Variants in GABBR2 observed in about 807,000 individuals in gnomAD.
GABBR2 encodes gamma-aminobutyric acid type B receptor subunit 2, also known as G-protein coupled receptor 51.
A neutral mutation model predicts 105.6 loss-of-function variants in GABBR2; 23 were observed. The ratio of observed to expected loss-of-function variants is 0.22; its 90% CI spans 0.16 to 0.31. GABBR2 has a LOEUF of 0.31. GABBR2 is among the 10% of genes least tolerant of loss of function. The pLI, the probability that GABBR2 is intolerant of heterozygous loss-of-function variation, is 1.00. For synonymous variants in GABBR2, 478 were observed against 499.7 expected (o/e 0.96, Z 0.58); for missense variants, 734 against 1,245.5 (o/e 0.59, Z 6.18).
At chr9:98,642,739 A>G (rs992657183) in intron 1 of GABBR2, among the ~76,000 whole-genome samples, 1 of 152,212 alleles carries the variant, frequency 6.6e-6, no homozygotes, top group Non-Finnish European at 1.5e-5. Flanking sequence ...ATTCTGTTTT[A>G]GGCGTGCGCG....
At chr9:98,604,850 C>T (rs574979367) in intron 1 of GABBR2, among the ~76,000 whole-genome samples, 61 of 152,344 alleles carry the variant, frequency 4.0e-4, no homozygotes, top group African/African-American at 1.4e-3. Context: ...TGAGGACTCA[C>T]AACTAGTTGT....
Position 98,678,610 on chromosome 9 carries a change from C to T in GABBR2, c.321+29807G>A, listed in dbSNP as rs549549474. Among the ~76,000 whole-genome samples, 15 of 152,304 alleles carry T rather than the reference C, an allele frequency of 9.8e-5. No homozygotes were observed. In the South Asian group the frequency reaches 2.9e-3, roughly 29 times the overall value. ...CATGATACTAACCTCATCTGGAAAACGGGATGAAATGAAATGTCTCCTCAC... is the reference window on the plus strand; with the variant it reads ...CATGATACTAACCTCATCTGGAAAATGGGATGAAATGAAATGTCTCCTCAC... On this transcript the variant is annotated intron_variant, in intron 1 of 18. Transcript: ENST00000259455.
chr9:98,609,568 C>G (rs975664559), intron 1 of GABBR2, among the ~76,000 whole-genome samples: 2 of 152,196 alleles, frequency 1.3e-5, no homozygotes, highest in South Asian at 2.1e-4. Context: ...GGGCTGAGCC[C>G]TAAGCCCTAA....
intron 1 of GABBR2, among the ~76,000 whole-genome samples, chr9:98,645,376 T>C (rs2131840626): frequency 6.6e-6 from 1 of 152,206 alleles, no homozygotes; most frequent in African/African-American, 2.4e-5. Context: ...GCTGGTGGCA[T>C]CTCTGGAACT....
Position 98,394,195 on chromosome 9 carries a change from T to C in GABBR2, c.1358A>G (p.Asn453Ser), listed in dbSNP as rs376438203. The change falls in exon 9 of 19, where the codon AAT (asparagine) becomes AGT (serine). Residue 453 changes from asparagine to serine, a missense_variant. Physicochemically the swap from Asn to Ser is conservative, Grantham distance 46 (BLOSUM62 1). Around this residue, in one of 7 missense-constraint regions of GABBR2, gnomAD observed 370 missense variants for 648.9 expected, o/e 0.57. Coordinates refer to ENST00000259455, the MANE Select transcript of GABBR2 (RefSeq NM_005458.8). ...CTTACCTTGGAACCTGATGGTGTCA[T>C]TGATGATCTCCAGTGTGTCGGCCAC... ...NAVADTLEII[N>S]DTIRFQGSEP... 1.7e-5 allele frequency: 27 copies of C among 1,613,452 alleles called. No individual in the cohort carries two copies. Among genetic ancestry groups the C allele is most frequent in the Non-Finnish European group, 2.2e-5 (26 of 1,179,434 alleles).
chr9:98,373,382 C>T (rs1009351670), intron 11 of GABBR2, among the ~76,000 whole-genome samples: 5 of 152,194 alleles, frequency 3.3e-5, no homozygotes, highest in Admixed American at 2.6e-4. Flanking sequence ...GGTGAAGAAA[C>T]TGAGGCCCAG....
chr9:98,635,744 T>C (rs1268486639), intron 1 of GABBR2, among the ~76,000 whole-genome samples: 1 of 152,214 alleles, frequency 6.6e-6, no homozygotes. Flanking sequence ...AAGTTCACTG[T>C]GGCTGGAGTA....
At position 98,480,888 on chromosome 9, in the gene GABBR2, G is replaced by C. The variant is rs150221196; in HGVS notation, c.798+44C>G. On this transcript the variant is annotated intron_variant, in intron 5 of 18. Coordinates refer to ENST00000259455, the MANE Select transcript of GABBR2 (RefSeq NM_005458.8). ...GATAATGAGTATGGGAAAAAGCTTC[G>C]TGAACCTCCCCAAAGACACGAATGA... The C allele has an allele frequency of 2.1e-5, 24 of 1,162,290 alleles. No individual in the cohort carries two copies. The African/African-American group carries it at 3.5e-4, about 17-fold the overall frequency. The allele number at this position is 1,162,290 out of a possible 1,614,324, so 72.0% of individuals were successfully genotyped here.
rs1379845684 is a variant in GABBR2, at chr9:98,521,421, C to G, written c.630+20452G>C. Among the ~76,000 whole-genome samples the G allele has an allele frequency of 3.9e-5, 6 of 152,166 alleles. No individual in the cohort carries two copies. The East Asian group carries it at 9.6e-4, about 24-fold the overall frequency. On this transcript the variant is annotated intron_variant, in intron 3 of 18. Coordinates refer to ENST00000259455, the MANE Select transcript of GABBR2 (RefSeq NM_005458.8). Reference sequence around the variant, plus strand: ...CCACAGAAGGGTGCAGGGCCTACCTCTCACTAAGGAGTCCACCTATCACCC... The same window carrying G: ...CCACAGAAGGGTGCAGGGCCTACCTGTCACTAAGGAGTCCACCTATCACCC...
intron 1 of GABBR2, among the ~76,000 whole-genome samples, chr9:98,683,965 G>A (rs77472860): frequency 3.6e-4 from 50 of 137,576 alleles, no homozygotes; most frequent in Non-Finnish European, 5.8e-4. Flanking sequence ...CCGAGATCTC[G>A]CCACTGAACT....
chr9:98,459,571 T>A (rs917800814), intron 6 of GABBR2, among the ~76,000 whole-genome samples: 8 of 152,194 alleles, frequency 5.3e-5, no homozygotes, highest in African/African-American at 1.9e-4. Flanking sequence ...CATAAAAAAG[T>A]GAGCCTGGTA....
chr9:98,321,103 G>A (rs780838383), intron 13 of GABBR2, among the ~76,000 whole-genome samples: 5 of 152,146 alleles, frequency 3.3e-5, no homozygotes, highest in Non-Finnish European at 5.9e-5. Flanking sequence ...GGAAAGGGCA[G>A]GAGTCTCCAG....
chr9:98,332,185 A>G (rs1831039333), intron 13 of GABBR2, among the ~76,000 whole-genome samples: 1 of 151,958 alleles, frequency 6.6e-6, no homozygotes, highest in African/African-American at 2.4e-5. Context: ...GAAACAGAAC[A>G]CTCTCTGCAG....
chr9:98,532,753 G>A (rs7855197), intron 3 of GABBR2, among the ~76,000 whole-genome samples: 15,578 of 152,168 alleles, frequency 0.1, 964 homozygotes, highest in African/African-American at 0.16. Context: ...TGATGATGCT[G>A]GTCCAGGGAC....
At chr9:98,636,485 C>CTTTTTT (rs10559312) in intron 1 of GABBR2, among the ~76,000 whole-genome samples, 2 of 66,174 alleles carry the variant, frequency 3.0e-5, no homozygotes, top group East Asian at 5.3e-4. Flanking sequence ...TCTTTCCTTT[C>CTTTTTT]TTTTTTTTTT....
At chr9:98,514,929 T>C (rs1827728117) in intron 3 of GABBR2, among the ~76,000 whole-genome samples, 1 of 152,068 alleles carries the variant, frequency 6.6e-6, no homozygotes, top group African/African-American at 2.4e-5. Context: ...ACTTCGTGCA[T>C]CCCTGAAGAA....
At position 98,607,137 on chromosome 9, in the gene GABBR2, G is replaced by T. The variant is rs550639213; in HGVS notation, c.322-29065C>A. 2.9e-4 allele frequency: 470 copies of T among 1,609,890 alleles called. 1 individual carries two copies. The highest frequency in any genetic ancestry group is 3.8e-4 in the Non-Finnish European group (450 of 1,179,200). ...CAATCCAAAGTTTTAATCAAAGAAG[G>T]TGGTGTTCAGTTGCTGCTCACAATA... is the stretch of plus-strand genomic sequence containing the variant. On this transcript the variant is annotated intron_variant, in intron 1 of 18. Transcript: ENST00000259455.
At chr9:98,325,160 G>T (rs1301037056) in intron 13 of GABBR2, among the ~76,000 whole-genome samples, 1 of 151,938 alleles carries the variant, frequency 6.6e-6, no homozygotes, top group Non-Finnish European at 1.5e-5. Context: ...TTTATGGTTA[G>T]ATTGGACTTA....
chr9:98,366,999 G>T (rs1039669456), intron 12 of GABBR2, among the ~76,000 whole-genome samples: 3 of 152,072 alleles, frequency 2.0e-5, no homozygotes, highest in African/African-American at 4.8e-5. Context: ...AATTTAAAAA[G>T]ATTTTACAAT....
Sources: allele counts gnomAD v4.1 joint callset (sites outside exome capture counted in the v4.1 genomes callset), GRCh38; gene constraint gnomAD v4.1.1; regional missense constraint gnomAD v4.1.1; transcripts MANE v1.5; gene names NCBI Gene and HGNC (gene_info 2026-07-23, HGNC 2026-07-21).